Variants in BICDL1 observed in about 807,000 individuals in gnomAD.
BICDL1 encodes the protein BICD family-like cargo adapter 1.
Under a neutral mutation model 76.8 loss-of-function variants are expected in BICDL1, and 20 were observed. That is an observed-to-expected ratio of 0.26 (90% confidence interval 0.18 to 0.38). The LOEUF is 0.38. Ranked by LOEUF, BICDL1 falls within the 10% of genes least tolerant of loss-of-function variation. The probability of loss-of-function intolerance (pLI) is 1.00; values close to 1 mark genes in which losing one functional copy is unlikely to be tolerated. For missense variants in BICDL1, 700 were observed against 798.6 expected (o/e 0.88, Z 1.49); for synonymous variants, 383 against 337.1 (o/e 1.14, Z -1.49).
At chr12:120,019,302 C>T (rs772549781) in intron 2 of BICDL1, 6 of 151,998 alleles carry the variant, frequency 3.9e-5, no homozygotes, top group Non-Finnish European at 8.8e-5. Flanking sequence ...ATTGTAACTG[C>T]ATTTGTACTG....
chr12:120,066,563 C>T (rs1230533125), intron 4 of BICDL1, among the ~76,000 whole-genome samples: 2 of 152,194 alleles, frequency 1.3e-5, no homozygotes, highest in Non-Finnish European at 2.9e-5. Flanking sequence ...TGCACTTGCT[C>T]ACCATGTGCA....
chr12:119,989,467 C>CAGCAGCAGT lies in BICDL1; in HGVS notation c.-394_-393insTAGCAGCAG, dbSNP rs1354460090. On this transcript the variant is annotated 5_prime_UTR_variant, in exon 1 of 10. It introduces an in-frame stop codon into an upstream open reading frame of the 5' UTR. Coordinates refer to ENST00000548673, the MANE Select transcript of BICDL1 (RefSeq NM_001367886.1). The stretch of plus-strand genomic sequence containing the variant: ...GGCGCTGCCCGGCCGGCGGCGGCAG[C>CAGCAGCAGT]AGCAGCAGCAGCGGCAGCGGCAACA... 1.3e-5 allele frequency among the ~76,000 whole-genome samples: 2 copies of CAGCAGCAGT among 148,324 alleles called. No homozygotes were observed. The highest frequency in any genetic ancestry group is 3.0e-5 in the Non-Finnish European group (2 of 67,166).
Position 119,998,701 on chromosome 12 carries a change from G to C in BICDL1, c.610G>C (p.Glu204Gln), listed in dbSNP as rs1343638093. 6.2e-7 allele frequency: 1 copy of C among 1,614,076 alleles called. No individual in the cohort carries two copies. The highest frequency in any genetic ancestry group is 8.5e-7 in the Non-Finnish European group (1 of 1,180,012). The change falls in exon 2 of 10, where the codon GAA (glutamate) becomes CAA (glutamine). Residue 204 changes from glutamate (E) to glutamine (Q), a missense_variant. Glu to Gln is a conservative substitution (Grantham distance 29). Coordinates refer to ENST00000548673, the MANE Select transcript of BICDL1 (RefSeq NM_001367886.1). ...EKSRAVQELS[E>Q]QNQRLLDQLS... ...ATCACGGGCTGTCCAGGAACTGTCGGAACAGAACCAAAGGCTATTGGATCA... is the reference window on the plus strand; with the variant it reads ...ATCACGGGCTGTCCAGGAACTGTCGCAACAGAACCAAAGGCTATTGGATCA...
chr12:120,049,163 G>T (rs373789817), intron 2 of BICDL1, among the ~76,000 whole-genome samples: 1 of 152,190 alleles, frequency 6.6e-6, no homozygotes, highest in African/African-American at 2.4e-5. Flanking sequence ...GGTCCCTCTG[G>T]AATGCCAAGG....
intron 2 of BICDL1, among the ~76,000 whole-genome samples, chr12:120,023,238 C>CA (rs1221374749): frequency 6.6e-6 from 1 of 152,162 alleles, no homozygotes; most frequent in East Asian, 1.9e-4. Flanking sequence ...AAAAAGATCT[C>CA]AATGTTTTAA....
At chr12:120,060,134 T>G (rs1355156043) in intron 2 of BICDL1, among the ~76,000 whole-genome samples, 1 of 152,226 alleles carries the variant, frequency 6.6e-6, no homozygotes, top group Non-Finnish European at 1.5e-5. Flanking sequence ...TGGAAAGCAA[T>G]TAGCACAGTT....
chr12:120,005,180 C>T (rs1384067196), intron 2 of BICDL1, among the ~76,000 whole-genome samples: 1 of 152,112 alleles, frequency 6.6e-6, no homozygotes, highest in Non-Finnish European at 1.5e-5. Flanking sequence ...AAAAAGAATT[C>T]ATGTTCACTG....
chr12:120,083,083 G>A lies in BICDL1; in HGVS notation c.1583+2066G>A, dbSNP rs187680065. On this transcript the variant is annotated intron_variant, in intron 8 of 9. Transcript: ENST00000548673. The stretch of plus-strand genomic sequence containing the variant: ...TCACCATGTTGGCCAGGCTACTCTC[G>A]AACTCCTGGCCTCAAGTGATCTGCC... 3.4e-3 allele frequency among the ~76,000 whole-genome samples: 517 copies of A among 151,264 alleles called. 5 individuals carry two copies. The highest frequency in any genetic ancestry group is 0.012 in the African/African-American group (495 of 41,204).
In BICDL1 at chr12:119,989,968, G is replaced by T. The variant is rs763638830; in HGVS notation, c.100G>T (p.Val34Phe). The T allele has an allele frequency of 2.7e-6, 4 of 1,468,146 alleles. No individual in the cohort carries two copies. Among genetic ancestry groups the T allele is most frequent in the Non-Finnish European group, 3.6e-6 (4 of 1,124,512 alleles). The allele number at this position is 1,468,146 out of a possible 1,614,324, so 90.9% of individuals were successfully genotyped here. ...GCTGCCCGCCGCGGCCGGGGACGCA[G>T]TCCGGAGTCCCGCCGCCGCCGCCGC... ...MELPAAAGDA[V>F]RSPAAAAALI... The change falls in exon 1 of 10, where the codon GTC becomes TTC. Residue 34 changes from valine to phenylalanine, a missense_variant. Physicochemically the swap from Val to Phe is conservative, Grantham distance 50. Transcript: ENST00000548673.
chr12:120,076,589 C>G (rs1371186720), intron 7 of BICDL1, among the ~76,000 whole-genome samples: 2 of 152,148 alleles, frequency 1.3e-5, no homozygotes, highest in African/African-American at 4.8e-5. Flanking sequence ...AGAAGTTCAG[C>G]TGATAATGGT....
At chr12:120,001,457 A>G (rs937218846) in intron 2 of BICDL1, among the ~76,000 whole-genome samples, 2 of 151,996 alleles carry the variant, frequency 1.3e-5, no homozygotes, top group African/African-American at 4.8e-5. Flanking sequence ...TGTGTTAGCC[A>G]GGATGGTCTC....
chr12:119,999,198 T>A (rs1435980768), intron 2 of BICDL1, among the ~76,000 whole-genome samples: 1 of 152,174 alleles, frequency 6.6e-6, no homozygotes, highest in Non-Finnish European at 1.5e-5. Flanking sequence ...AACTTTGGTA[T>A]TACTGAACTA....
At chr12:120,011,367 A>G (rs1168193804) in intron 2 of BICDL1, among the ~76,000 whole-genome samples, 1 of 152,204 alleles carries the variant, frequency 6.6e-6, no homozygotes, top group Non-Finnish European at 1.5e-5. Context: ...TGTCAGCCAT[A>G]ATGGAGTCAG....
At chr12:120,070,309 C>T (rs1872989323) in intron 4 of BICDL1, among the ~76,000 whole-genome samples, 1 of 152,194 alleles carries the variant, frequency 6.6e-6, no homozygotes. Context: ...GGGTGAGACT[C>T]TAATGGTATC....
intron 8 of BICDL1, among the ~76,000 whole-genome samples, chr12:120,085,021 G>A (rs1477452792): frequency 1.3e-5 from 2 of 150,904 alleles, no homozygotes; most frequent in Non-Finnish European, 2.9e-5. Context: ...TTTCTTTCTG[G>A]TCAGAACCTC....
At chr12:120,088,314 A>T (rs979564697) in intron 8 of BICDL1, among the ~76,000 whole-genome samples, 2 of 152,142 alleles carry the variant, frequency 1.3e-5, no homozygotes, top group African/African-American at 2.4e-5. Context: ...GCAATATGTT[A>T]TGAACTGTCA....
At chr12:119,991,043 TTCTCTAGGCAGTC>T (rs139260441) in intron 1 of BICDL1, among the ~76,000 whole-genome samples, 13,112 of 152,328 alleles carry the variant, frequency 0.086, 682 homozygotes, top group African/African-American at 0.14. Flanking sequence ...TTTCTGCCAG[TTCTCTAGGCAGTC>T]TTTCAGAGTT....
At chr12:120,081,434 C>G (rs558141416) in intron 8 of BICDL1, among the ~76,000 whole-genome samples, 31 of 150,772 alleles carry the variant, frequency 2.1e-4, no homozygotes, top group Middle Eastern at 3.4e-3. Flanking sequence ...TCCCTGCAAC[C>G]TCTGCCTCTG....
intron 8 of BICDL1, among the ~76,000 whole-genome samples, chr12:120,081,322 T>C (rs1011521989): frequency 1.3e-5 from 2 of 151,908 alleles, no homozygotes; most frequent in Admixed American, 6.6e-5. Flanking sequence ...GTCTTGCCTT[T>C]TTGCACTTGT....
Sources: allele counts gnomAD v4.1 joint callset (sites outside exome capture counted in the v4.1 genomes callset), GRCh38; gene constraint gnomAD v4.1.1; transcripts MANE v1.5; gene names NCBI Gene and HGNC (gene_info 2026-07-23, HGNC 2026-07-21).